The following DCC variants were observed in gnomAD, a reference collection of about 807,000 sequenced individuals.
The protein encoded by DCC is netrin receptor DCC.
A neutral mutation model predicts 172.5 loss-of-function variants in DCC; 58 were observed. That is an observed-to-expected ratio of 0.34 (90% CI 0.27 to 0.42). The LOEUF (loss-of-function observed/expected upper bound fraction) is 0.42. DCC is among the 10% of genes least tolerant of loss of function. The pLI, the probability that DCC is intolerant of heterozygous loss-of-function variation, is 1.00. For missense variants in DCC, 1,740 were observed against 1,791.0 expected, an observed-to-expected ratio of 0.97 and a Z score of 0.51; for synonymous variants, 709 against 644.5, an observed-to-expected ratio of 1.10 and a Z score of -1.52.
At chr18:52,583,877 T>C (rs1233477512) in intron 1 of DCC, among the ~76,000 whole-genome samples, 1 of 152,252 alleles carries the variant, frequency 6.6e-6, no homozygotes, top group Non-Finnish European at 1.5e-5. Context: ...TTCCATAACC[T>C]TAATTGCTTT....
At chr18:53,229,681 T>A (rs2056091991) in intron 12 of DCC, among the ~76,000 whole-genome samples, 1 of 152,062 alleles carries the variant, frequency 6.6e-6, no homozygotes, top group Admixed American at 6.6e-5. Flanking sequence ...TTTAATAGCT[T>A]ACTTCTAGAG....
chr18:53,368,654 C>T (rs72927294), intron 15 of DCC, among the ~76,000 whole-genome samples: 19,570 of 151,984 alleles, frequency 0.13, 1,384 homozygotes, highest in East Asian at 0.21. Flanking sequence ...CAACCATTTG[C>T]ATGTGAATAT....
intron 7 of DCC, among the ~76,000 whole-genome samples, chr18:53,127,211 T>G (rs2043574193): frequency 6.6e-6 from 1 of 151,528 alleles, no homozygotes; most frequent in Admixed American, 6.6e-5. Context: ...CTCGTTATGT[T>G]GCCCGGTCTG....
intron 5 of DCC, among the ~76,000 whole-genome samples, chr18:52,999,483 C>T (rs1331075678): frequency 6.6e-6 from 1 of 151,930 alleles, no homozygotes; most frequent in Non-Finnish European, 1.5e-5. Context: ...AGAGGAGGCT[C>T]AGAGCAAAGC....
At chr18:53,199,525 A>G (rs1337155197) in intron 9 of DCC, among the ~76,000 whole-genome samples, 11 of 152,152 alleles carry the variant, frequency 7.2e-5, no homozygotes, top group South Asian at 2.1e-4. Flanking sequence ...GAATAAATGT[A>G]TAAGTATATA....
In DCC at chr18:52,633,947, G is replaced by A. The variant is rs373355702; in HGVS notation, c.92-118107G>A. On this transcript the variant is annotated intron_variant, in intron 1 of 28. Coordinates refer to ENST00000442544, the MANE Select transcript of DCC (RefSeq NM_005215.4). ...GGAATTGTCTGTGAAAGGACAGACT[G>A]AGCTATGGAGGGACACACAGCAACC... Among the ~76,000 whole-genome samples the A allele has an allele frequency of 2.6e-5, 4 of 152,266 alleles. No homozygotes were observed. In the East Asian group the frequency reaches 7.7e-4, roughly 29 times the overall value.
At chr18:52,963,014 G>C (rs180951186) in intron 5 of DCC, among the ~76,000 whole-genome samples, 32 of 150,982 alleles carry the variant, frequency 2.1e-4, no homozygotes, top group East Asian at 9.8e-4. Context: ...TAAATGACGA[G>C]TTGATGGGTG....
intron 15 of DCC, among the ~76,000 whole-genome samples, chr18:53,372,086 A>G (rs1239607320): frequency 6.6e-6 from 1 of 152,126 alleles, no homozygotes; most frequent in South Asian, 2.1e-4. Context: ...GAGAATTACC[A>G]TTTGACTGAG....
chr18:53,188,517 A>G (rs923940481), intron 9 of DCC, among the ~76,000 whole-genome samples: 2 of 152,204 alleles, frequency 1.3e-5, no homozygotes, highest in Non-Finnish European at 2.9e-5. Flanking sequence ...AGCCTCATTA[A>G]GGAACACTGC....
chr18:52,480,723 G>A (rs1346868682), intron 1 of DCC, among the ~76,000 whole-genome samples: 2 of 152,066 alleles, frequency 1.3e-5, no homozygotes, highest in Non-Finnish European at 2.9e-5. Context: ...TGCCCTTTTG[G>A]CAGCCACAGA....
Position 52,575,072 on chromosome 18 carries a change from C to A in DCC, c.92-176982C>A, listed in dbSNP as rs139756092. Among the ~76,000 whole-genome samples, 703 of 152,216 alleles carry A rather than the reference C, an allele frequency of 4.6e-3. 9 individuals are homozygous for A. Among genetic ancestry groups the A allele is most frequent in the African/African-American group, 0.016 (674 of 41,560 alleles). Reference sequence around the variant, plus strand: ...ATAAGGATTAAGAGTCATAGCTAATCATGACATCTGGAATTTAGCAGCCCA... The same window carrying A: ...ATAAGGATTAAGAGTCATAGCTAATAATGACATCTGGAATTTAGCAGCCCA... On this transcript the variant is annotated intron_variant, in intron 1 of 28. Coordinates refer to ENST00000442544, the MANE Select transcript of DCC (RefSeq NM_005215.4).
intron 1 of DCC, among the ~76,000 whole-genome samples, chr18:52,723,445 T>C (rs1210820958): frequency 6.6e-6 from 1 of 152,144 alleles, no homozygotes; most frequent in Admixed American, 6.5e-5. Context: ...CAAGGCATTG[T>C]AGAACGCCAA....
intron 1 of DCC, among the ~76,000 whole-genome samples, chr18:52,358,719 C>T (rs765090567): frequency 1.3e-5 from 2 of 152,160 alleles, no homozygotes; most frequent in African/African-American, 4.8e-5. Context: ...TTCTAGGAGT[C>T]CTAAGAGCTA....
At chr18:52,525,051 G>T (rs1291222859) in intron 1 of DCC, among the ~76,000 whole-genome samples, 1 of 151,844 alleles carries the variant, frequency 6.6e-6, no homozygotes, top group Non-Finnish European at 1.5e-5. Flanking sequence ...CTGTTTAGTG[G>T]GTTCTTGTAA....
At chr18:52,966,573 AATAG>A (rs781435690) in intron 5 of DCC, among the ~76,000 whole-genome samples, 7 of 152,150 alleles carry the variant, frequency 4.6e-5, no homozygotes, top group Non-Finnish European at 1.0e-4. Context: ...AACAGGAGAA[AATAG>A]ATAGGACAGT....
chr18:53,155,828 A>C (rs1598855884), intron 7 of DCC, among the ~76,000 whole-genome samples: 1 of 152,258 alleles, frequency 6.6e-6, no homozygotes, highest in Non-Finnish European at 1.5e-5. Context: ...GGAGATCAAG[A>C]CCAGCCTGGC....
At chr18:52,366,757 T>C (rs1042823342) in intron 1 of DCC, among the ~76,000 whole-genome samples, 9 of 152,092 alleles carry the variant, frequency 5.9e-5, no homozygotes, top group African/African-American at 1.7e-4. Context: ...AAACACAGGG[T>C]GCTGATTGGT....
chr18:52,449,224 C>T (rs549936790), intron 1 of DCC, among the ~76,000 whole-genome samples: 13 of 152,212 alleles, frequency 8.5e-5, no homozygotes, highest in Non-Finnish European at 1.2e-4. Context: ...GATTCAATTA[C>T]CTCCCACTGT....
intron 1 of DCC, among the ~76,000 whole-genome samples, chr18:52,722,921 A>T (rs931063202): frequency 2.0e-5 from 3 of 152,006 alleles, no homozygotes; most frequent in African/African-American, 7.2e-5. Flanking sequence ...TTAAAATTTT[A>T]TGTGTTAGAA....
Sources: allele counts gnomAD v4.1 joint callset (sites outside exome capture counted in the v4.1 genomes callset), GRCh38; gene constraint gnomAD v4.1.1; transcripts MANE v1.5; gene names NCBI Gene and HGNC (gene_info 2026-07-23, HGNC 2026-07-21).